Variants in THSD4 observed in about 807,000 individuals in gnomAD.
THSD4 encodes thrombospondin type 1 domain containing 4.
THSD4 carries 69 observed loss-of-function variants against 119.0 expected under a neutral mutation model. The ratio of observed to expected loss-of-function variants is 0.58; its 90% confidence interval spans 0.48 to 0.71. The LOEUF (loss-of-function observed/expected upper bound fraction) is 0.71, where lower values mean the gene tolerates loss of function less well. Ranked by LOEUF, THSD4 falls within the 30% of genes least tolerant of loss-of-function variation. The pLI is 0.00. For synonymous variants in THSD4, 524 were observed against 540.4 expected, an observed-to-expected ratio of 0.97 and a Z score of 0.42; for missense variants, 1,393 against 1,391.1, an observed-to-expected ratio of 1.00 and a Z score of -0.02.
chr15:71,311,179 A>G (rs1024311224), intron 6 of THSD4, among the ~76,000 whole-genome samples: 38 of 152,294 alleles, frequency 2.5e-4, no homozygotes, highest in African/African-American at 8.9e-4. Flanking sequence ...TTCAATTTCA[A>G]GAGGCAGGAT....
chr15:71,745,936 C>T (rs1027479763), intron 12 of THSD4, among the ~76,000 whole-genome samples: 2 of 152,072 alleles, frequency 1.3e-5, no homozygotes, highest in Admixed American at 6.5e-5. Flanking sequence ...TGAGCCACTG[C>T]GCCTGGCCTT....
At chr15:71,347,862 C>T (rs1320544651) in intron 6 of THSD4, among the ~76,000 whole-genome samples, 2 of 152,130 alleles carry the variant, frequency 1.3e-5, no homozygotes, top group African/African-American at 2.4e-5. Flanking sequence ...TTTCAGTGTT[C>T]AGATGATCAG....
At chr15:71,355,609 C>T (rs1251042217) in intron 6 of THSD4, among the ~76,000 whole-genome samples, 1 of 152,040 alleles carries the variant, frequency 6.6e-6, no homozygotes, top group Non-Finnish European at 1.5e-5. Flanking sequence ...GAGGACTGTC[C>T]CGGGTGCTGG....
intron 7 of THSD4, among the ~76,000 whole-genome samples, chr15:71,550,820 T>C (rs1293679294): frequency 6.6e-6 from 1 of 152,198 alleles, no homozygotes; most frequent in Non-Finnish European, 1.5e-5. Flanking sequence ...TTTCTTTTCA[T>C]GGTGATGAAA....
chr15:71,747,042 G>A lies in THSD4; in HGVS notation c.2241G>A (p.Ser747=), dbSNP rs201613877. The A allele has an allele frequency of 1.1e-5, 18 of 1,601,596 alleles. No individual in the cohort carries two copies. The East Asian group carries it at 1.1e-4, about 10-fold the overall frequency. ...GGCAGATCCGGACCGACTGGACCTC[G>A]GTACGCAGGCAGGGCAGCCCGCTCT... ...SEWQIRTDWT[S]CSVPCGVGQR... is the part of the protein sequence containing the mutation. The change falls in exon 13 of 18, where the codon TCG becomes TCA. Residue 747 remains serine (S), a splice_region_variant and synonymous_variant. Transcript: ENST00000261862.
chr15:71,531,048 C>G (rs1449864213), intron 7 of THSD4, among the ~76,000 whole-genome samples: 1 of 152,018 alleles, frequency 6.6e-6, no homozygotes, highest in Non-Finnish European at 1.5e-5. Context: ...AGGAGTGGTC[C>G]TTGGCCAGGC....
intron 8 of THSD4, among the ~76,000 whole-genome samples, chr15:71,692,685 G>T (rs1464780792): frequency 6.6e-6 from 1 of 152,114 alleles, no homozygotes; most frequent in Non-Finnish European, 1.5e-5. Context: ...ACCTCTGAGG[G>T]TACTTAAAGG....
intron 6 of THSD4, among the ~76,000 whole-genome samples, chr15:71,302,540 C>T (rs961320420): frequency 4.0e-5 from 6 of 151,178 alleles, no homozygotes; most frequent in Admixed American, 2.0e-4. Context: ...CTCACATCCA[C>T]TTACTTTGAT....
intron 7 of THSD4, among the ~76,000 whole-genome samples, chr15:71,650,561 C>T (rs2051063088): frequency 6.6e-6 from 1 of 152,184 alleles, no homozygotes; most frequent in Non-Finnish European, 1.5e-5. Context: ...CCTCCCTTCT[C>T]AGGCCCAGTC....
chr15:71,398,686 A>G (rs1000467361), intron 6 of THSD4, among the ~76,000 whole-genome samples: 1 of 152,116 alleles, frequency 6.6e-6, no homozygotes, highest in Non-Finnish European at 1.5e-5. Context: ...TTGGCAACCC[A>G]GCAGAAGATT....
intron 7 of THSD4, among the ~76,000 whole-genome samples, chr15:71,516,726 A>C (rs1407515604): frequency 6.6e-6 from 1 of 151,962 alleles, no homozygotes; most frequent in African/African-American, 2.4e-5. Context: ...TGCTCTAAGA[A>C]CTCTAGTAAC....
chr15:71,322,019 A>G (rs1021905895), intron 6 of THSD4, among the ~76,000 whole-genome samples: 2 of 151,806 alleles, frequency 1.3e-5, no homozygotes, highest in African/African-American at 4.8e-5. Context: ...AAATGATCAC[A>G]TGGACTTAAA....
chr15:71,515,388 T>C (rs1270963397), intron 7 of THSD4, among the ~76,000 whole-genome samples: 3 of 152,148 alleles, frequency 2.0e-5, no homozygotes, highest in African/African-American at 7.2e-5. Flanking sequence ...TTGAGTGTAG[T>C]AGAAAAATTG....
At chr15:71,483,151 A>G (rs772560051) in intron 7 of THSD4, among the ~76,000 whole-genome samples, 20 of 152,196 alleles carry the variant, frequency 1.3e-4, no homozygotes, top group Non-Finnish European at 2.2e-4. Context: ...TAAAAGCACC[A>G]TCCAGGGACA....
chr15:71,206,519 C>T (rs1267167337), intron 3 of THSD4, among the ~76,000 whole-genome samples: 1 of 152,170 alleles, frequency 6.6e-6, no homozygotes, highest in Non-Finnish European at 1.5e-5. Context: ...AAAACTAAAC[C>T]TACTTTTTCC....
intron 7 of THSD4, among the ~76,000 whole-genome samples, chr15:71,602,567 AAAAAAAAAAAAAATG>A (rs2050032453): frequency 2.0e-5 from 3 of 150,188 alleles, no homozygotes; most frequent in African/African-American, 7.3e-5. Context: ...AAAAAAAAAA[AAAAAAAAAAAAAATG>A]AAAAAGAAAA....
intron 16 of THSD4, chr15:71,767,173 G>A (rs545744281): frequency 6.6e-6 from 1 of 152,268 alleles, no homozygotes; most frequent in African/African-American, 2.4e-5. Flanking sequence ...TACTATAATA[G>A]CAAAGACTGA....
chr15:71,659,824 G>A (rs75592780), intron 7 of THSD4, among the ~76,000 whole-genome samples: 5,002 of 152,230 alleles, frequency 0.033, 113 homozygotes, highest in Middle Eastern at 0.078. Flanking sequence ...TCCTTTTGTC[G>A]GGGGAGGGAA....
intron 7 of THSD4, among the ~76,000 whole-genome samples, chr15:71,613,588 G>A (rs931718960): frequency 9.2e-5 from 14 of 152,108 alleles, no homozygotes; most frequent in African/African-American, 2.9e-4. Context: ...CATTTTCACA[G>A]CTTTCTACAT....
Sources: allele counts gnomAD v4.1 joint callset (sites outside exome capture counted in the v4.1 genomes callset), GRCh38; gene constraint gnomAD v4.1.1; transcripts MANE v1.5; gene names NCBI Gene and HGNC (gene_info 2026-07-23, HGNC 2026-07-21).